The following KLHDC1 variants were observed in gnomAD, a reference collection of about 807,000 sequenced individuals.
The protein encoded by KLHDC1 is kelch domain-containing protein 1.
A neutral mutation model predicts 68.3 loss-of-function variants in KLHDC1; 53 were observed. The observed-to-expected ratio is 0.78, with a 90% CI of 0.62 to 0.98. The LOEUF (loss-of-function observed/expected upper bound fraction) is 0.98. Ranked by LOEUF, KLHDC1 falls within the 50% of genes least tolerant of loss-of-function variation. KLHDC1 has a pLI of 0.00. For missense variants in KLHDC1, 470 were observed against 492.3 expected, an observed-to-expected ratio of 0.95 and a Z score of 0.43; for synonymous variants, 148 against 159.0, an observed-to-expected ratio of 0.93 and a Z score of 0.52.
At chr14:49,705,842 A>T (rs975758181) in intron 1 of KLHDC1, among the ~76,000 whole-genome samples, 2 of 152,008 alleles carry the variant, frequency 1.3e-5, no homozygotes, top group African/African-American at 2.4e-5. Flanking sequence ...TGATTGAAAA[A>T]TTTTTTTAAT....
intron 10 of KLHDC1, among the ~76,000 whole-genome samples, chr14:49,738,686 T>C (rs906359701): frequency 6.6e-6 from 1 of 152,150 alleles, no homozygotes; most frequent in Non-Finnish European, 1.5e-5. Context: ...TTTGAGCAGC[T>C]ACTGGGTACA....
At chr14:49,705,259 T>A (rs1888017068) in intron 1 of KLHDC1, among the ~76,000 whole-genome samples, 1 of 151,486 alleles carries the variant, frequency 6.6e-6, no homozygotes. Context: ...AGCTACCATA[T>A]AATACAGAAT....
chr14:49,737,405 G>C (rs1179097396), intron 10 of KLHDC1, among the ~76,000 whole-genome samples: 1 of 152,116 alleles, frequency 6.6e-6, no homozygotes, highest in Non-Finnish European at 1.5e-5. Flanking sequence ...TAATTCCACT[G>C]TTTGCACTTG....
intron 1 of KLHDC1, among the ~76,000 whole-genome samples, chr14:49,697,052 T>C (rs1887764802): frequency 6.6e-6 from 1 of 152,190 alleles, no homozygotes; most frequent in Non-Finnish European, 1.5e-5. Context: ...TTCTCCTGCT[T>C]CAGCCTCCCG....
At chr14:49,695,396 A>G (rs1420022741) in intron 1 of KLHDC1, among the ~76,000 whole-genome samples, 1 of 152,162 alleles carries the variant, frequency 6.6e-6, no homozygotes, top group Non-Finnish European at 1.5e-5. Context: ...ATGAAAAGAT[A>G]AATCTTGTAG....
intron 4 of KLHDC1, among the ~76,000 whole-genome samples, chr14:49,718,981 G>A (rs1284735213): frequency 6.6e-6 from 1 of 151,610 alleles, no homozygotes; most frequent in Non-Finnish European, 1.5e-5. Flanking sequence ...GTTTCACCAT[G>A]TTGGCCAAAC....
chr14:49,726,902 G>T lies in KLHDC1; in HGVS notation c.567+1133G>T, dbSNP rs554210284. ...TCATTTAGGAGGGAATATGGTCCTGGTTACACACACAGTTATTTGTATTGT... is the reference window on the plus strand; with the variant it reads ...TCATTTAGGAGGGAATATGGTCCTGTTTACACACACAGTTATTTGTATTGT... On this transcript the variant is annotated intron_variant, in intron 6 of 12. Transcript: ENST00000359332. Among the ~76,000 whole-genome samples, 16 of 152,202 alleles carry T rather than the reference G, an allele frequency of 1.1e-4. No homozygotes were observed. In the East Asian group the frequency reaches 2.9e-3, roughly 28 times the overall value.
chr14:49,720,847 T>C (rs1888507175), intron 4 of KLHDC1, among the ~76,000 whole-genome samples: 1 of 152,252 alleles, frequency 6.6e-6, no homozygotes, highest in African/African-American at 2.4e-5. Flanking sequence ...CATTGCTGTG[T>C]CAAGTTTGCT....
chr14:49,727,270 A>G (rs2139755316), intron 6 of KLHDC1, among the ~76,000 whole-genome samples: 1 of 151,994 alleles, frequency 6.6e-6, no homozygotes, highest in Non-Finnish European at 1.5e-5. Flanking sequence ...AAAAAAAGAA[A>G]GAAAGAAAAG....
rs1472987547 is a variant in KLHDC1 at position 49,732,245 on chromosome 14, T to TCCAACTC, written c.711-458_711-457insCAACTCC. Among the ~76,000 whole-genome samples the TCCAACTC allele has an allele frequency of 4.6e-5, 7 of 152,158 alleles. No homozygotes were observed. In the South Asian group the frequency reaches 1.5e-3, roughly 32 times the overall value. ...TGGAGTGCAGTGGTGCAATCTTGGC[T>TCCAACTC]CACTGCAACCTCCACCTCCCAGGTT... is the stretch of plus-strand genomic sequence containing the variant. On this transcript the variant is annotated intron_variant, in intron 8 of 12. Coordinates refer to ENST00000359332, the MANE Select transcript of KLHDC1 (RefSeq NM_172193.3).
chr14:49,696,184 C>CTTT (rs775054220), intron 1 of KLHDC1, among the ~76,000 whole-genome samples: 1 of 142,310 alleles, frequency 7.0e-6, no homozygotes, highest in African/African-American at 2.6e-5. Flanking sequence ...TCACCTTGCA[C>CTTT]TTTTTTTTTT....
intron 10 of KLHDC1, among the ~76,000 whole-genome samples, chr14:49,738,494 G>A (rs1259611547): frequency 1.3e-5 from 2 of 152,008 alleles, no homozygotes; most frequent in African/African-American, 2.4e-5. Context: ...TTACAGGCAT[G>A]CGCCAACAAG....
At chr14:49,706,404 G>A (rs1026433132) in intron 1 of KLHDC1, among the ~76,000 whole-genome samples, 14 of 152,152 alleles carry the variant, frequency 9.2e-5, no homozygotes, top group Admixed American at 3.3e-4. Flanking sequence ...AAGTTGCTTC[G>A]AAATTTTGGG....
At chr14:49,750,286 AT>A (rs1317055008) in intron 12 of KLHDC1, among the ~76,000 whole-genome samples, 1 of 152,150 alleles carries the variant, frequency 6.6e-6, no homozygotes, top group East Asian at 1.9e-4. Flanking sequence ...AGTTTCTGTA[AT>A]CTTATTTCTC....
At position 49,731,222 on chromosome 14, in the gene KLHDC1, G is replaced by C. The variant is rs530098653; in HGVS notation, c.711-1482G>C. 4.6e-5 allele frequency among the ~76,000 whole-genome samples: 7 copies of C among 152,268 alleles called. No individual in the cohort carries two copies. The South Asian group carries it at 1.5e-3, about 32-fold the overall frequency. The stretch of plus-strand genomic sequence containing the variant: ...TTGTACCTGGGAGGCGGAGGTTGCA[G>C]TGAGCTGAGATCACGCCATTGCACT... On this transcript the variant is annotated intron_variant, in intron 8 of 12. Coordinates refer to ENST00000359332, the MANE Select transcript of KLHDC1 (RefSeq NM_172193.3).
At chr14:49,707,448 A>G (rs1317829038) in intron 1 of KLHDC1, among the ~76,000 whole-genome samples, 1 of 147,428 alleles carries the variant, frequency 6.8e-6, no homozygotes, top group African/African-American at 2.5e-5. Flanking sequence ...CCGGGGTTCA[A>G]GCGATTCTCC....
intron 11 of KLHDC1, among the ~76,000 whole-genome samples, chr14:49,743,233 C>A (rs1277719806): frequency 6.6e-6 from 1 of 151,612 alleles, no homozygotes; most frequent in Non-Finnish European, 1.5e-5. Context: ...CTTGTCTATA[C>A]TAAAAATACA....
intron 1 of KLHDC1, among the ~76,000 whole-genome samples, chr14:49,701,145 G>A (rs190178537): frequency 6.6e-6 from 1 of 151,596 alleles, no homozygotes; most frequent in East Asian, 1.9e-4. Flanking sequence ...AAAAAAATAA[G>A]ACTATTTTGT....
At chr14:49,706,432 C>A (rs993302842) in intron 1 of KLHDC1, among the ~76,000 whole-genome samples, 1 of 152,142 alleles carries the variant, frequency 6.6e-6, no homozygotes, top group Non-Finnish European at 1.5e-5. Context: ...AACAGTGCTG[C>A]AACAAACATG....
Sources: gnomAD v4.1 joint callset for allele counts (sites outside exome capture counted in the v4.1 genomes callset) on GRCh38, gnomAD v4.1.1 for gene constraint, MANE v1.5 for transcripts, NCBI Gene and HGNC (gene_info 2026-07-23, HGNC 2026-07-21) for gene names.